The following NTM variants were observed in gnomAD, a reference collection of about 807,000 sequenced individuals.
NTM encodes neurotrimin, also known as IgLON family member 2.
In NTM, 13 loss-of-function variants were observed where a neutral mutation model predicts 42.1. That is an observed-to-expected ratio of 0.31 (90% CI 0.20 to 0.49). The LOEUF (loss-of-function observed/expected upper bound fraction) is 0.49. Ranked by LOEUF, NTM falls within the 20% of genes least tolerant of loss-of-function variation. The probability of loss-of-function intolerance (pLI) is 0.99; values close to 1 mark genes in which losing one functional copy is unlikely to be tolerated. For missense variants in NTM, 373 were observed against 452.8 expected (o/e 0.82, Z 1.60); for synonymous variants, 187 against 179.2 (o/e 1.04, Z -0.35).
chr11:131,912,661 A>G (rs774178762), intron 2 of NTM, among the ~76,000 whole-genome samples: 5 of 152,324 alleles, frequency 3.3e-5, no homozygotes, highest in Non-Finnish European at 7.3e-5. Context: ...TCCTTGGTTT[A>G]GTCTGCCCTC....
chr11:132,059,468 G>A (rs950035277), intron 2 of NTM, among the ~76,000 whole-genome samples: 51 of 152,210 alleles, frequency 3.4e-4, no homozygotes, highest in African/African-American at 1.1e-3. Context: ...TCTGTTGACC[G>A]ATTGACACAT....
intron 3 of NTM, among the ~76,000 whole-genome samples, chr11:132,206,013 G>A (rs949257767): frequency 5.8e-4 from 88 of 152,138 alleles, no homozygotes. Context: ...CCATCTCCCT[G>A]GTTGTCCTCC....
intron 1 of NTM, among the ~76,000 whole-genome samples, chr11:131,555,049 T>C (rs1224737612): frequency 6.6e-6 from 1 of 152,136 alleles, no homozygotes; most frequent in Non-Finnish European, 1.5e-5. Context: ...GTAATCCCAG[T>C]GCTTTGGGAG....
At chr11:132,137,333 C>A (rs1289971105) in intron 2 of NTM, among the ~76,000 whole-genome samples, 1 of 152,194 alleles carries the variant, frequency 6.6e-6, no homozygotes, top group Non-Finnish European at 1.5e-5. Context: ...GCAGCTCCTT[C>A]CCTGCCAAGG....
At chr11:131,847,308 T>C (rs2045028626) in intron 1 of NTM, among the ~76,000 whole-genome samples, 1 of 150,724 alleles carries the variant, frequency 6.6e-6, no homozygotes, top group Non-Finnish European at 1.5e-5. Context: ...TCAATTCTTA[T>C]TAAATAAATT....
At chr11:132,295,356 T>C (rs925425756) in intron 4 of NTM, among the ~76,000 whole-genome samples, 4 of 152,174 alleles carry the variant, frequency 2.6e-5, no homozygotes, top group Non-Finnish European at 4.4e-5. Flanking sequence ...CATGATCATG[T>C]GGCCCCTTCT....
chr11:132,199,430 G>T (rs2080814646), intron 3 of NTM, among the ~76,000 whole-genome samples: 2 of 152,186 alleles, frequency 1.3e-5, no homozygotes, highest in Non-Finnish European at 2.9e-5. Context: ...TCTTTGATGT[G>T]CAGAGATAAA....
intron 2 of NTM, among the ~76,000 whole-genome samples, chr11:132,086,243 G>T (rs1232423605): frequency 6.8e-6 from 1 of 147,402 alleles, no homozygotes; most frequent in Admixed American, 6.9e-5. Flanking sequence ...AAAATGACAT[G>T]AACCCAGGAG....
At chr11:132,176,418 G>A (rs1186000286) in intron 3 of NTM, among the ~76,000 whole-genome samples, 1 of 151,630 alleles carries the variant, frequency 6.6e-6, no homozygotes, top group African/African-American at 2.4e-5. Flanking sequence ...AGCAGATGAA[G>A]TACTTATAAG....
intron 1 of NTM, among the ~76,000 whole-genome samples, chr11:131,479,249 A>G (rs893870312): frequency 6.6e-6 from 1 of 152,238 alleles, no homozygotes; most frequent in Non-Finnish European, 1.5e-5. Flanking sequence ...CAATTATAAT[A>G]CAATGGAAAA....
chr11:131,726,690 A>C (rs2079010715), intron 1 of NTM, among the ~76,000 whole-genome samples: 1 of 151,108 alleles, frequency 6.6e-6, no homozygotes. Flanking sequence ...CGTTTCCAAG[A>C]ACCCAGTCAC....
At chr11:132,210,901 A>G (rs1273141885) in intron 3 of NTM, among the ~76,000 whole-genome samples, 1 of 152,194 alleles carries the variant, frequency 6.6e-6, no homozygotes, top group East Asian at 1.9e-4. Context: ...TTTACCTATT[A>G]GAATGAACCC....
intron 1 of NTM, among the ~76,000 whole-genome samples, chr11:131,846,624 T>C (rs542874563): frequency 1.3e-5 from 2 of 152,214 alleles, no homozygotes; most frequent in African/African-American, 4.8e-5. Context: ...GAATGAAATT[T>C]GAATTTTAAA....
chr11:131,495,371 T>G (rs568425581), intron 1 of NTM, among the ~76,000 whole-genome samples: 3 of 152,240 alleles, frequency 2.0e-5, no homozygotes, highest in Non-Finnish European at 4.4e-5. Context: ...GCTTGCTCTG[T>G]TGAATGCACA....
chr11:132,267,694 T>C (rs1220996779), intron 4 of NTM, among the ~76,000 whole-genome samples: 1 of 151,890 alleles, frequency 6.6e-6, no homozygotes, highest in Non-Finnish European at 1.5e-5. Flanking sequence ...CAGGTGCCTC[T>C]AATCCCAGCT....
chr11:131,560,681 T>G (rs2136995117), intron 1 of NTM, among the ~76,000 whole-genome samples: 1 of 152,362 alleles, frequency 6.6e-6, no homozygotes, highest in African/African-American at 2.4e-5. Flanking sequence ...TTTAAGGCCA[T>G]CTCAATAAGC....
At chr11:131,690,893 G>A (rs978866575) in intron 1 of NTM, among the ~76,000 whole-genome samples, 1 of 152,226 alleles carries the variant, frequency 6.6e-6, no homozygotes, top group African/African-American at 2.4e-5. Flanking sequence ...TCAGAGCGGA[G>A]AGAAATGTCA....
At chr11:132,286,223 C>A (rs1246165996) in intron 4 of NTM, among the ~76,000 whole-genome samples, 1 of 152,148 alleles carries the variant, frequency 6.6e-6, no homozygotes, top group Non-Finnish European at 1.5e-5. Context: ...CTCATTTTAT[C>A]AGGAACATAA....
At chr11:132,240,711 C>T (rs529675258) in intron 4 of NTM, among the ~76,000 whole-genome samples, 15 of 152,152 alleles carry the variant, frequency 9.9e-5, no homozygotes, top group South Asian at 6.2e-4. Context: ...GAAATTTGTT[C>T]GAAAGAACTT....
Sources: gnomAD v4.1 joint callset for allele counts (sites outside exome capture counted in the v4.1 genomes callset) on GRCh38, gnomAD v4.1.1 for gene constraint, MANE v1.5 for transcripts, NCBI Gene and HGNC (gene_info 2026-07-23, HGNC 2026-07-21) for gene names.